The following CACNG7 variants were observed in gnomAD, a reference collection of about 807,000 sequenced individuals.
The protein encoded by CACNG7 is voltage-dependent calcium channel gamma-7 subunit.
A neutral mutation model predicts 26.3 loss-of-function variants in CACNG7; 9 were observed. The ratio of observed to expected loss-of-function variants is 0.34; its 90% confidence interval spans 0.21 to 0.60. The LOEUF (loss-of-function observed/expected upper bound fraction) is 0.60, where lower values mean the gene tolerates loss of function less well. Among genes scored for constraint, CACNG7 ranks in the 20% least tolerant of loss-of-function variants. The pLI is 0.81. For synonymous variants in CACNG7, 170 were observed against 157.0 expected (o/e 1.08, Z -0.62); for missense variants, 297 against 380.4 (o/e 0.78, Z 1.82).
Position 53,913,027 on chromosome 19 carries a change from G to T in CACNG7, c.196G>T (p.Gly66Cys). Residue 66 changes from glycine to cysteine, a missense_variant and splice_region_variant, in exon 2 of 6, where the codon GGT becomes TGT. Physicochemically the swap from Gly to Cys is radical, Grantham distance 159 (BLOSUM62 -3). Coordinates refer to ENST00000391767, the MANE Select transcript of CACNG7 (RefSeq NM_031896.5). ...CCTCTGGCGAGTCTGCTTCTTTGCAGGTACAGCCCTCACCCGTCTTCCACT... is the reference window on the plus strand; with the variant it reads ...CCTCTGGCGAGTCTGCTTCTTTGCATGTACAGCCCTCACCCGTCTTCCACT... ...AGLWRVCFFA[G>C]REKGRCVASE... 1 of 1,607,686 alleles carries T rather than the reference G, an allele frequency of 6.2e-7. No individual in the cohort carries two copies. The highest frequency in any genetic ancestry group is 8.5e-7 in the Non-Finnish European group (1 of 1,175,052).
intron 4 of CACNG7, among the ~76,000 whole-genome samples, chr19:53,924,014 G>A (rs963371343): frequency 6.9e-6 from 1 of 144,708 alleles, no homozygotes. Context: ...GTTGTCCCCA[G>A]GCCTGGTCAT....
chr19:53,912,898 C>T lies in CACNG7; in HGVS notation c.67C>T (p.Leu23=). The change falls in exon 2 of 6, where the codon CTG becomes TTG. Residue 23 remains leucine, a synonymous_variant. Coordinates refer to ENST00000391767, the MANE Select transcript of CACNG7 (RefSeq NM_031896.5). The surrounding 1 kb of genome is among the most constrained non-coding windows in gnomAD (Gnocchi z 4.6). The part of the protein sequence containing the change: ...SSVFGACGLL[L]VGIAVSTDYW... ...CGTGTTTGGTGCGTGTGGCCTGCTC[C>T]TGGTAGGCATCGCGGTCAGCACTGA... The T allele has an allele frequency of 6.2e-7, 1 of 1,614,094 alleles. No individual in the cohort carries two copies. Among genetic ancestry groups the T allele is most frequent in the Non-Finnish European group, 8.5e-7 (1 of 1,180,034 alleles).
At chr19:53,914,827 C>A (rs1045567060) in intron 3 of CACNG7, among the ~76,000 whole-genome samples, 1 of 151,884 alleles carries the variant, frequency 6.6e-6, no homozygotes, top group Admixed American at 6.6e-5. Flanking sequence ...CATGGTGAAA[C>A]CTTGTCTCTA....
chr19:53,924,938 G>T (rs2069012597), intron 4 of CACNG7, among the ~76,000 whole-genome samples: 2 of 147,532 alleles, frequency 1.4e-5, no homozygotes, highest in African/African-American at 5.0e-5. Context: ...CTGGTCATTG[G>T]TGGAGTTGTC....
intron 4 of CACNG7, among the ~76,000 whole-genome samples, chr19:53,920,163 GT>G (rs1209078122): frequency 2.6e-5 from 2 of 76,128 alleles, no homozygotes; most frequent in Non-Finnish European, 2.4e-5. Context: ...TGGTGGAGTT[GT>G]CCCCAGGCCT....
intron 5 of CACNG7, 60 bp from the exon 6 acceptor site, chr19:53,941,976 G>C: frequency 6.7e-7 from 1 of 1,502,766 alleles, no homozygotes. Context: ...GAGGAGATGA[G>C]TCGGGGTCCG....
rs1447595736 is a variant in CACNG7, at chr19:53,909,342, C to CGGGGGGT, written c.-194_-188dup. The CGGGGGGT allele has an allele frequency of 1.5e-5, 2 of 135,744 alleles. No individual in the cohort carries two copies. Among genetic ancestry groups the CGGGGGGT allele is most frequent in the Non-Finnish European group, 1.6e-5 (1 of 61,380 alleles). The allele number at this position is 135,744 out of a possible 1,614,324, so 8.4% of individuals were successfully genotyped here. On this transcript the variant is annotated 5_prime_UTR_variant, in exon 1 of 6. Coordinates refer to ENST00000391767, the MANE Select transcript of CACNG7 (RefSeq NM_031896.5). The surrounding 1 kb of genome is among the most constrained non-coding windows in gnomAD (Gnocchi z 5.1). ...CGTCCGCCGAGTGAGGCCGCGGCCGCGGGGGGTGGGGGGTGGGAGGCCGGG... is the reference window on the plus strand; with the variant it reads ...CGTCCGCCGAGTGAGGCCGCGGCCGCGGGGGGTGGGGGGTGGGGGGTGGGAGGCCGGG...
intron 3 of CACNG7, among the ~76,000 whole-genome samples, 158 bp downstream of exon 3, chr19:53,914,744 G>A (rs562807129): frequency 2.6e-5 from 4 of 152,228 alleles, no homozygotes; most frequent in Admixed American, 2.6e-4. Flanking sequence ...GCTCACACCT[G>A]TAATCCCAGC....
rs982616391 is a variant in CACNG7, at chr19:53,909,814, G to A, written c.-30+297G>A. 2.0e-5 allele frequency among the ~76,000 whole-genome samples: 3 copies of A among 152,194 alleles called. No individual in the cohort carries two copies. Among genetic ancestry groups the A allele is most frequent in the Admixed American group, 6.5e-5 (1 of 15,290 alleles). On this transcript the variant is annotated intron_variant, in intron 1 of 5. Coordinates refer to ENST00000391767, the MANE Select transcript of CACNG7 (RefSeq NM_031896.5). This position sits in a 1 kb window ranked among gnomAD's most constrained non-coding sequence, Gnocchi z 5.1. ...CTGAGGAAGGCGAGGTACGGGGCGA[G>A]GGCGGAGGACCCAGGCCCGGCCAGA...
chr19:53,929,097 G>C (rs1311811698), intron 4 of CACNG7, among the ~76,000 whole-genome samples: 3 of 123,606 alleles, frequency 2.4e-5, no homozygotes, highest in Non-Finnish European at 4.8e-5. Context: ...GGGTGACACA[G>C]TGAGACTCCA....
chr19:53,939,716 C>T lies in CACNG7; in HGVS notation c.425-1754C>T, dbSNP rs1328573673. Among the ~76,000 whole-genome samples, 4 of 152,104 alleles carry T rather than the reference C, an allele frequency of 2.6e-5. No homozygotes were observed. The highest frequency in any genetic ancestry group is 4.4e-5 in the Non-Finnish European group (3 of 68,022). ...GGCTGTTTCCGCTTTTTGGCTATTA[C>T]GCATAACGCTGTTACAAACATCCGT... On this transcript the variant is annotated intron_variant, in intron 4 of 5. Coordinates refer to ENST00000391767, the MANE Select transcript of CACNG7 (RefSeq NM_031896.5). This position sits in a 1 kb window ranked among gnomAD's most constrained non-coding sequence, Gnocchi z 4.2.
intron 4 of CACNG7, among the ~76,000 whole-genome samples, chr19:53,935,047 T>C (rs538794591): frequency 1.3e-5 from 2 of 151,800 alleles, no homozygotes; most frequent in African/African-American, 2.4e-5. Flanking sequence ...ATATTACATA[T>C]ACATATATAC....
intron 4 of CACNG7, among the ~76,000 whole-genome samples, chr19:53,928,058 A>G (rs1005478280): frequency 1.9e-4 from 25 of 132,536 alleles, no homozygotes; most frequent in Admixed American, 1.7e-3. Flanking sequence ...CAGAGATAGA[A>G]AGGAGGAAGG....
chr19:53,929,181 A>C (rs1296172403), intron 4 of CACNG7, among the ~76,000 whole-genome samples: 1 of 151,826 alleles, frequency 6.6e-6, no homozygotes, highest in Non-Finnish European at 1.5e-5. Context: ...TTGGGGAAGC[A>C]AAAAGGGGGT....
intron 4 of CACNG7, among the ~76,000 whole-genome samples, chr19:53,920,881 G>C (rs1395711368): frequency 5.3e-5 from 6 of 114,116 alleles, no homozygotes; most frequent in Non-Finnish European, 8.9e-5. Context: ...CATTGGTGGA[G>C]TTGTCCCAGG....
In CACNG7 at chr19:53,942,424, C is replaced by T; in HGVS notation, c.*131C>T. 2 of 1,497,512 alleles carry T rather than the reference C, an allele frequency of 1.3e-6. No homozygotes were observed. Among genetic ancestry groups the T allele is most frequent in the East Asian group, 2.3e-5 (1 of 43,564 alleles). The allele number at this position is 1,497,512 out of a possible 1,614,324, so 92.8% of individuals were successfully genotyped here. A position where few individuals can be genotyped will look rare whatever the true frequency, so the allele number is the denominator to read the frequency against. ...CGGAGGAGGCTGCGCCAGCTTTAGG[C>T]CCCGCCCTCCTCCCAATGGCTCCGC... On this transcript the variant is annotated 3_prime_UTR_variant, in exon 6 of 6. Transcript: ENST00000391767. The surrounding 1 kb of genome is among the most constrained non-coding windows in gnomAD (Gnocchi z 5.9).
rs1290448228 is a variant in CACNG7 at position 53,912,699 on chromosome 19, G to A, written c.-29-104G>A. 8 of 867,550 alleles carry A rather than the reference G, an allele frequency of 9.2e-6. No homozygotes were observed. The highest frequency in any genetic ancestry group is 1.5e-5 in the Non-Finnish European group (8 of 544,814). The allele number at this position is 867,550 out of a possible 1,614,324, so 53.7% of individuals were successfully genotyped here. On this transcript the variant is annotated intron_variant, in intron 1 of 5. Coordinates refer to ENST00000391767, the MANE Select transcript of CACNG7 (RefSeq NM_031896.5). The surrounding 1 kb of genome is among the most constrained non-coding windows in gnomAD (Gnocchi z 4.6). ...AGGTCAGATCTGAGATTTCGATTTGGGAGTCAGTGTCTCTGGCTAGGGCCC... is the reference window on the plus strand; with the variant it reads ...AGGTCAGATCTGAGATTTCGATTTGAGAGTCAGTGTCTCTGGCTAGGGCCC...
Position 53,913,026 on chromosome 19 carries a change from A to T in CACNG7, c.195A>T (p.Ala65=). The change falls in exon 2 of 6, where the codon GCA becomes GCT. Residue 65 remains alanine, a splice_region_variant and synonymous_variant. Transcript: ENST00000391767. ...GCCTCTGGCGAGTCTGCTTCTTTGC[A>T]GGTACAGCCCTCACCCGTCTTCCAC... ...HAGLWRVCFF[A]GREKGRCVAS... is the part of the protein sequence containing the mutation. 1 of 1,609,572 alleles carries T rather than the reference A, an allele frequency of 6.2e-7. No homozygotes were observed.
chr19:53,940,726 G>A lies in CACNG7; in HGVS notation c.425-744G>A, dbSNP rs563069086. Among the ~76,000 whole-genome samples, 17 of 152,182 alleles carry A rather than the reference G, an allele frequency of 1.1e-4. No homozygotes were observed. Among genetic ancestry groups the A allele is most frequent in the Admixed American group, 1.0e-3 (16 of 15,268 alleles). Reference sequence around the variant, plus strand: ...CTTCCGAAACCTTTGCCCATGCTGTGCACTCTGCCAGTGTGCCCTTATTCT... The same window carrying A: ...CTTCCGAAACCTTTGCCCATGCTGTACACTCTGCCAGTGTGCCCTTATTCT... On this transcript the variant is annotated intron_variant, in intron 4 of 5. Transcript: ENST00000391767. The surrounding 1 kb of genome is among the most constrained non-coding windows in gnomAD (Gnocchi z 4.1).
Sources: allele counts gnomAD v4.1 joint callset (sites outside exome capture counted in the v4.1 genomes callset), GRCh38; gene constraint gnomAD v4.1.1; non-coding constraint Gnocchi (gnomAD v3.1); transcripts MANE v1.5; gene names NCBI Gene and HGNC (gene_info 2026-07-23, HGNC 2026-07-21).